The following CEP112 variants were observed in gnomAD, a reference collection of about 807,000 sequenced individuals.
The protein encoded by CEP112 is centrosomal protein 112, also known as centrosomal protein of 112 kDa.
CEP112 carries 127 observed loss-of-function variants against 153.0 expected under a neutral mutation model. The ratio of observed to expected loss-of-function variants is 0.83; its 90% CI spans 0.72 to 0.96. The LOEUF (loss-of-function observed/expected upper bound fraction) is 0.96. Among genes scored for constraint, CEP112 ranks in the 40% least tolerant of loss-of-function variants. The pLI is 0.00. For missense variants in CEP112, 1,089 were observed against 1,101.2 expected, an observed-to-expected ratio of 0.99 and a Z score of 0.16; for synonymous variants, 358 against 374.4, an observed-to-expected ratio of 0.96 and a Z score of 0.51.
At chr17:65,834,605 T>C (rs1287922191) in intron 21 of CEP112, among the ~76,000 whole-genome samples, 16 of 152,122 alleles carry the variant, frequency 1.1e-4, no homozygotes, top group Non-Finnish European at 2.1e-4. Context: ...AAGCTCAATA[T>C]TGCTGATCAT....
chr17:65,816,959 A>G (rs1267784670), intron 21 of CEP112, among the ~76,000 whole-genome samples: 1 of 152,008 alleles, frequency 6.6e-6, no homozygotes, highest in East Asian at 1.9e-4. Context: ...TTCCATAAAA[A>G]CATTGTGGAG....
intron 24 of CEP112, among the ~76,000 whole-genome samples, chr17:65,673,377 G>T (rs2144095133): frequency 6.6e-6 from 1 of 152,286 alleles, no homozygotes; most frequent in Non-Finnish European, 1.5e-5. Flanking sequence ...TCCAGCTGCA[G>T]AAAGTTCTCG....
intron 24 of CEP112, among the ~76,000 whole-genome samples, chr17:65,653,894 A>T (rs1244843335): frequency 6.6e-6 from 1 of 151,854 alleles, no homozygotes; most frequent in Non-Finnish European, 1.5e-5. Context: ...ACCCATCTCT[A>T]CGAAAAATAC....
At chr17:65,670,477 C>A (rs2046931747) in intron 24 of CEP112, among the ~76,000 whole-genome samples, 1 of 151,922 alleles carries the variant, frequency 6.6e-6, no homozygotes, top group African/African-American at 2.4e-5. Context: ...TATTTAAAAA[C>A]TGAATAACAA....
intron 25 of CEP112, among the ~76,000 whole-genome samples, chr17:65,640,154 ATTTT>A (rs529025836): frequency 2.6e-5 from 2 of 78,348 alleles, no homozygotes; most frequent in African/African-American, 1.4e-4. Flanking sequence ...ATATATATAT[ATTTT>A]TTTTTTTTTT....
chr17:66,177,132 T>A, intron 2 of CEP112, 112 bp from the exon 3 acceptor site: 1 of 840,232 alleles, frequency 1.2e-6, no homozygotes, highest in Non-Finnish European at 1.8e-6. Context: ...CAACAAACCT[T>A]TTCTGTTAAA....
intron 19 of CEP112, among the ~76,000 whole-genome samples, chr17:65,924,205 T>C (rs1353787447): frequency 1.3e-5 from 2 of 152,114 alleles, no homozygotes; most frequent in Non-Finnish European, 2.9e-5. Flanking sequence ...CTCGATCTCC[T>C]AACCTCGTGA....
intron 23 of CEP112, among the ~76,000 whole-genome samples, chr17:65,694,299 T>C (rs142877366): frequency 1.5e-3 from 222 of 152,180 alleles, no homozygotes; most frequent in Non-Finnish European, 2.3e-3. Flanking sequence ...TGAGGAGAAG[T>C]TAGGATGACA....
chr17:65,905,030 G>A (rs1324309865), intron 19 of CEP112, among the ~76,000 whole-genome samples: 1 of 152,120 alleles, frequency 6.6e-6, no homozygotes, highest in Non-Finnish European at 1.5e-5. Flanking sequence ...TACCACTCAG[G>A]ACAGAGGCAT....
At chr17:65,848,583 G>C (rs1351243008) in intron 21 of CEP112, among the ~76,000 whole-genome samples, 1 of 151,704 alleles carries the variant, frequency 6.6e-6, no homozygotes, top group Non-Finnish European at 1.5e-5. Flanking sequence ...TGCTTTAACA[G>C]TCCCACTCAC....
At chr17:66,059,045 C>CA (rs2066819342) in intron 11 of CEP112, among the ~76,000 whole-genome samples, 1 of 151,578 alleles carries the variant, frequency 6.6e-6, no homozygotes, top group African/African-American at 2.4e-5. Flanking sequence ...CAAAGTTGAC[C>CA]AAAAAAATGG....
At chr17:66,174,918 A>T in intron 4 of CEP112, 126 bp downstream of exon 4, 1 of 519,570 alleles carries the variant, frequency 1.9e-6, no homozygotes, top group Non-Finnish European at 3.1e-6. Context: ...AATAATCTTG[A>T]ATGTGCAGTT....
chr17:66,059,562 C>T (rs1054009383), intron 11 of CEP112, among the ~76,000 whole-genome samples: 5 of 152,036 alleles, frequency 3.3e-5, no homozygotes, highest in African/African-American at 9.7e-5. Flanking sequence ...CAACATCACA[C>T]GTCATCAGAG....
intron 14 of CEP112, among the ~76,000 whole-genome samples, chr17:66,028,682 A>G (rs1419290753): frequency 6.6e-6 from 1 of 151,956 alleles, no homozygotes; most frequent in African/African-American, 2.4e-5. Flanking sequence ...ATTAAATGCT[A>G]CATAATATTT....
intron 24 of CEP112, among the ~76,000 whole-genome samples, chr17:65,666,045 C>T (rs950719196): frequency 1.3e-5 from 2 of 152,176 alleles, no homozygotes; most frequent in Non-Finnish European, 2.9e-5. Flanking sequence ...CAAAACTTGC[C>T]TACTTTCTGA....
chr17:66,050,801 G>C (rs1244611167), intron 12 of CEP112, among the ~76,000 whole-genome samples: 2 of 151,856 alleles, frequency 1.3e-5, no homozygotes, highest in African/African-American at 4.8e-5. Context: ...GCTGATTTAG[G>C]GTTATGCTTT....
At chr17:66,118,235 A>G (rs1333155987) in intron 6 of CEP112, among the ~76,000 whole-genome samples, 1 of 152,236 alleles carries the variant, frequency 6.6e-6, no homozygotes, top group African/African-American at 2.4e-5. Context: ...GGGACAGATT[A>G]CTGCATTTAT....
intron 20 of CEP112, among the ~76,000 whole-genome samples, chr17:65,853,840 A>C (rs2058044391): frequency 6.6e-6 from 1 of 152,180 alleles, no homozygotes; most frequent in Non-Finnish European, 1.5e-5. Context: ...ATTCACTTCT[A>C]ATTGCACTGT....
intron 24 of CEP112, among the ~76,000 whole-genome samples, chr17:65,650,352 G>A (rs1274813231): frequency 1.3e-5 from 2 of 152,166 alleles, no homozygotes; most frequent in South Asian, 2.1e-4. Flanking sequence ...ATAGCCCTGA[G>A]TGTGGCAGGC....
Sources: gnomAD v4.1 joint callset for allele counts (sites outside exome capture counted in the v4.1 genomes callset) on GRCh38, gnomAD v4.1.1 for gene constraint, MANE v1.5 for transcripts, NCBI Gene and HGNC (gene_info 2026-07-23, HGNC 2026-07-21) for gene names.